The following BAG4 variants were observed in gnomAD, a reference collection of about 807,000 sequenced individuals.
BAG4 encodes the protein BAG family molecular chaperone regulator 4.
In BAG4, 28 loss-of-function variants were observed where a neutral mutation model predicts 52.1. The ratio of observed to expected loss-of-function variants is 0.54; its 90% CI spans 0.40 to 0.74. The LOEUF (loss-of-function observed/expected upper bound fraction) is 0.74, where lower values mean the gene tolerates loss of function less well. BAG4 is among the 30% of genes least tolerant of loss of function. The probability of loss-of-function intolerance (pLI) is 0.00; values close to 1 mark genes in which losing one functional copy is unlikely to be tolerated. For synonymous variants in BAG4, 208 were observed against 217.0 expected (o/e 0.96, Z 0.37); for missense variants, 525 against 572.0 (o/e 0.92, Z 0.84).
At chr8:38,201,484 G>C (rs1319619218) in intron 2 of BAG4, among the ~76,000 whole-genome samples, 2 of 151,832 alleles carry the variant, frequency 1.3e-5, no homozygotes, top group African/African-American at 4.8e-5. Context: ...TAAATATTTT[G>C]CAGAGATGGG....
Position 38,210,282 on chromosome 8 carries a change from A to G in BAG4, c.1163A>G (p.Glu388Gly). Residue 388 changes from glutamate to glycine, a missense_variant, in exon 5 of 5, where the codon GAG becomes GGG. Transcript: ENST00000287322. ...ATTAAAAAAATCATACATGTGCTGGAGAAGGTCCAGTATCTTGAACAAGAA... is the reference window on the plus strand; with the variant it reads ...ATTAAAAAAATCATACATGTGCTGGGGAAGGTCCAGTATCTTGAACAAGAA... Reference protein sequence around the residue: ...PSIKKIIHVLEKVQYLEQEVE... With the variant: ...PSIKKIIHVLGKVQYLEQEVE... 6.2e-7 allele frequency: 1 copy of G among 1,614,196 alleles called. No homozygotes were observed. The highest frequency in any genetic ancestry group is 8.5e-7 in the Non-Finnish European group (1 of 1,180,026).
At chr8:38,189,370 A>G (rs951561309) in intron 1 of BAG4, among the ~76,000 whole-genome samples, 10 of 152,206 alleles carry the variant, frequency 6.6e-5, no homozygotes, top group African/African-American at 2.4e-4. Context: ...GCTTGTCCTT[A>G]GAGAATAAAT....
At chr8:38,193,276 G>A (rs958765995) in intron 2 of BAG4, among the ~76,000 whole-genome samples, 5 of 151,878 alleles carry the variant, frequency 3.3e-5, no homozygotes, top group African/African-American at 9.6e-5. Context: ...AAAATTAGCT[G>A]GGTGTGGTGG....
At chr8:38,188,707 GTA>G (rs1226135451) in intron 1 of BAG4, among the ~76,000 whole-genome samples, 3 of 118,398 alleles carry the variant, frequency 2.5e-5, no homozygotes, top group Admixed American at 9.1e-5. Context: ...ACATATATAT[GTA>G]TATATATATA....
At position 38,176,917 on chromosome 8, in the gene BAG4, C is replaced by T. The variant is rs1803165103; in HGVS notation, c.48C>T (p.Ser16=). 1.3e-6 allele frequency: 2 copies of T among 1,550,036 alleles called. No homozygotes were observed. Reference sequence around the variant, plus strand: ...GCTACGGCCCCAGTGACGGTCCGTCCTACGGCCGCTACTACGGGCCTGGGG... The same window carrying T: ...GCTACGGCCCCAGTGACGGTCCGTCTTACGGCCGCTACTACGGGCCTGGGG... ...RSGYGPSDGP[S]YGRYYGPGGG... The change falls in exon 1 of 5, where the codon TCC becomes TCT. Residue 16 remains serine (S), a synonymous_variant. Transcript: ENST00000287322.
chr8:38,180,521 T>TGAAAAAAAAAAA (rs1803245012), intron 1 of BAG4, among the ~76,000 whole-genome samples: 1 of 35,144 alleles, frequency 2.8e-5, no homozygotes, highest in Non-Finnish European at 4.9e-5. Flanking sequence ...AGACTCCGTC[T>TGAAAAAAAAAAA]CAAAAAAAAA....
chr8:38,188,089 G>A, intron 1 of BAG4, among the ~76,000 whole-genome samples: 2 of 135,228 alleles, frequency 1.5e-5, no homozygotes, highest in African/African-American at 2.7e-5. Flanking sequence ...GTTAGCCCAA[G>A]AGTAACTGCT....
chr8:38,190,227 T>C (rs1439368728), intron 1 of BAG4, among the ~76,000 whole-genome samples: 3 of 152,214 alleles, frequency 2.0e-5, no homozygotes, highest in African/African-American at 7.2e-5. Flanking sequence ...CTACTGTATG[T>C]ATTTATTCTA....
At chr8:38,187,434 T>C (rs1803381473) in intron 1 of BAG4, among the ~76,000 whole-genome samples, 1 of 152,138 alleles carries the variant, frequency 6.6e-6, no homozygotes, top group Non-Finnish European at 1.5e-5. Context: ...GACTGATGTG[T>C]TGGAGAAGTG....
At chr8:38,187,548 C>T (rs1301441782) in intron 1 of BAG4, among the ~76,000 whole-genome samples, 1 of 151,994 alleles carries the variant, frequency 6.6e-6, no homozygotes, top group Admixed American at 6.6e-5. Context: ...CTTTAAAAGA[C>T]ATTATATAAA....
intron 1 of BAG4, among the ~76,000 whole-genome samples, chr8:38,183,759 G>A (rs1198100316): frequency 1.3e-5 from 2 of 151,812 alleles, no homozygotes; most frequent in African/African-American, 4.8e-5. Context: ...CTGGGCTCAA[G>A]CTATCCTCCC....
chr8:38,192,792 C>T lies in BAG4; in HGVS notation c.375C>T (p.Gly125=). 1 of 1,586,406 alleles carries T rather than the reference C, an allele frequency of 6.3e-7. No individual in the cohort carries two copies. The highest frequency in any genetic ancestry group is 1.2e-5 in the South Asian group (1 of 86,622). The part of the protein sequence containing the change: ...STYPVRPELQ[G]QSLNSYTNGA... The stretch of plus-strand genomic sequence containing the variant: ...ATCCTGTAAGACCAGAATTGCAAGG[C>T]CAGGTATGGTTTAAAAACAGAGACT... Residue 125 remains glycine, a synonymous_variant, in exon 2 of 5, where the codon GGC becomes GGT. Transcript: ENST00000287322.
chr8:38,204,245 TGTG>T (rs1803731197), intron 2 of BAG4: 1 of 152,208 alleles, frequency 6.6e-6, no homozygotes, highest in African/African-American at 2.4e-5. Flanking sequence ...GCTGGCCAGA[TGTG>T]GTGGCTCACA....
chr8:38,186,670 A>G (rs1803370523), intron 1 of BAG4, among the ~76,000 whole-genome samples: 1 of 151,854 alleles, frequency 6.6e-6, no homozygotes, highest in Non-Finnish European at 1.5e-5. Flanking sequence ...CTTTAGAGGG[A>G]CCCAAATTTG....
chr8:38,190,092 G>A (rs919424073), intron 1 of BAG4, among the ~76,000 whole-genome samples: 44 of 152,046 alleles, frequency 2.9e-4, no homozygotes, highest in Admixed American at 2.1e-3. Flanking sequence ...GCCAAATTAT[G>A]TTTTTTACTT....
intron 2 of BAG4, among the ~76,000 whole-genome samples, chr8:38,195,416 G>T (rs767752380): frequency 4.6e-5 from 7 of 152,134 alleles, no homozygotes; most frequent in Non-Finnish European, 7.3e-5. Context: ...AGCCTCCTGA[G>T]TAGCTAGGAC....
rs367677262 is a variant in BAG4, at chr8:38,207,677, C to A, written c.544C>A (p.Pro182Thr). The change falls in exon 3 of 5, where the codon CCA becomes ACA. Residue 182 changes from proline to threonine, a missense_variant. Transcript: ENST00000287322. ...TYRSSGNSPTPVSRWIYPQQD... is the reference protein window; with the variant it reads ...TYRSSGNSPTTVSRWIYPQQD... ...CCGTTCATCTGGCAACAGCCCAACT[C>A]CAGTCTCTCGTTGGATCTATCCCCA... The A allele has an allele frequency of 1.2e-6, 2 of 1,613,974 alleles. No homozygotes were observed. The highest frequency in any genetic ancestry group is 8.5e-7 in the Non-Finnish European group (1 of 1,179,950).
At chr8:38,205,797 A>G (rs1474061788) in intron 2 of BAG4, among the ~76,000 whole-genome samples, 1 of 152,168 alleles carries the variant, frequency 6.6e-6, no homozygotes, top group Non-Finnish European at 1.5e-5. Flanking sequence ...CGAGATAGAG[A>G]TGAGTATAGG....
intron 2 of BAG4, among the ~76,000 whole-genome samples, chr8:38,205,627 C>T (rs1803758068): frequency 6.6e-6 from 1 of 151,682 alleles, no homozygotes; most frequent in Non-Finnish European, 1.5e-5. Flanking sequence ...TTGTTTATGC[C>T]CGAAGACCTT....
Sources: gnomAD v4.1 joint callset for allele counts (sites outside exome capture counted in the v4.1 genomes callset) on GRCh38, gnomAD v4.1.1 for gene constraint, MANE v1.5 for transcripts, NCBI Gene and HGNC (gene_info 2026-07-23, HGNC 2026-07-21) for gene names.